Variants in FRMD4A observed in about 807,000 individuals in gnomAD.
FRMD4A encodes the protein FERM domain containing 4A, also known as FERM domain-containing protein 4A.
In FRMD4A, 29 loss-of-function variants were observed where a neutral mutation model predicts 129.1. The ratio of observed to expected loss-of-function variants is 0.22; its 90% confidence interval spans 0.17 to 0.31. The LOEUF (loss-of-function observed/expected upper bound fraction) is 0.31. Among genes scored for constraint, FRMD4A ranks in the 10% least tolerant of loss-of-function variants. The pLI is 1.00. For synonymous variants in FRMD4A, 634 were observed against 571.6 expected (o/e 1.11, Z -1.56); for missense variants, 1,272 against 1,375.8 (o/e 0.92, Z 1.19).
rs1298358869 is a variant in FRMD4A at position 13,644,048 on chromosome 10, T to A, written c.*2990A>T. ...AACTAAGCAGTAACTGGTCATCTGA[T>A]AGCACCTGGATGGGGTTTGCTATAT... On this transcript the variant is annotated 3_prime_UTR_variant, in exon 25 of 25. Transcript: ENST00000357447. 6.6e-6 allele frequency: 1 copy of A among 152,660 alleles called. No individual in the cohort carries two copies. The highest frequency in any genetic ancestry group is 1.5e-5 in the Non-Finnish European group (1 of 68,042). The allele number at this position is 152,660 out of a possible 1,614,324, so 9.5% of individuals were successfully genotyped here. A position where few individuals can be genotyped will look rare whatever the true frequency, so the allele number is the denominator to read the frequency against.
At chr10:14,285,074 T>A (rs1371903294) in intron 2 of FRMD4A, among the ~76,000 whole-genome samples, 1 of 152,276 alleles carries the variant, frequency 6.6e-6, no homozygotes, top group Non-Finnish European at 1.5e-5. Context: ...GAATTTGCAA[T>A]AATCTAAATA....
intron 4 of FRMD4A, among the ~76,000 whole-genome samples, chr10:13,799,233 T>C (rs1046964303): frequency 2.6e-5 from 4 of 152,176 alleles, no homozygotes; most frequent in African/African-American, 7.2e-5. Context: ...TCTAGTCTCA[T>C]TGCAACCTCC....
intron 2 of FRMD4A, among the ~76,000 whole-genome samples, chr10:14,070,038 C>T (rs1433182963): frequency 1.3e-5 from 2 of 152,154 alleles, no homozygotes; most frequent in Non-Finnish European, 2.9e-5. Context: ...GGTGGGACAG[C>T]TTATACAGCA....
At chr10:13,992,237 C>A (rs2095605897) in intron 2 of FRMD4A, among the ~76,000 whole-genome samples, 1 of 152,218 alleles carries the variant, frequency 6.6e-6, no homozygotes, top group Admixed American at 6.5e-5. Context: ...TGGAGCTATG[C>A]CAGTGGTTCA....
chr10:14,262,931 A>G (rs780108584), intron 2 of FRMD4A, among the ~76,000 whole-genome samples: 1 of 152,200 alleles, frequency 6.6e-6, no homozygotes, highest in Non-Finnish European at 1.5e-5. Flanking sequence ...ACCAGAGGGC[A>G]AGCCATGAAA....
intron 12 of FRMD4A, among the ~76,000 whole-genome samples, chr10:13,724,948 G>A (rs1254712255): frequency 6.6e-6 from 1 of 152,138 alleles, no homozygotes; most frequent in Non-Finnish European, 1.5e-5. Flanking sequence ...ATCAGATCTA[G>A]CTTGAGCACT....
At chr10:14,273,490 TG>T (rs1845234658) in intron 2 of FRMD4A, among the ~76,000 whole-genome samples, 1 of 152,178 alleles carries the variant, frequency 6.6e-6, no homozygotes. Context: ...GTAATATTAA[TG>T]GGTCAGCTCA....
intron 2 of FRMD4A, among the ~76,000 whole-genome samples, chr10:14,015,016 C>G (rs1009393787): frequency 3.6e-5 from 5 of 137,244 alleles, no homozygotes; most frequent in Admixed American, 2.9e-4. Context: ...TCCTCCCTCC[C>G]TCCCTTCCTT....
chr10:14,010,664 CTTTTTTT>C (rs779471389), intron 2 of FRMD4A, among the ~76,000 whole-genome samples: 13 of 76,428 alleles, frequency 1.7e-4, no homozygotes, highest in South Asian at 7.3e-4. Context: ...GAGTTTAGGT[CTTTTTTT>C]TTTTTTTTTT....
chr10:13,756,830 A>C (rs576604113), intron 8 of FRMD4A, among the ~76,000 whole-genome samples: 1 of 152,320 alleles, frequency 6.6e-6, no homozygotes, highest in South Asian at 2.1e-4. Context: ...TGTATGTGAT[A>C]TCTCCCTCAG....
At chr10:14,088,319 C>A (rs115240276) in intron 2 of FRMD4A, among the ~76,000 whole-genome samples, 3,000 of 151,776 alleles carry the variant, frequency 0.02, 108 homozygotes, top group African/African-American at 0.069. Context: ...TGGTGGTGTG[C>A]ATCAGTGGTC....
chr10:13,661,403 G>T (rs1429014897), intron 19 of FRMD4A, among the ~76,000 whole-genome samples: 9 of 152,176 alleles, frequency 5.9e-5, no homozygotes, highest in African/African-American at 2.2e-4. Context: ...GGCCCTGAGG[G>T]CAGGGTACCA....
In FRMD4A at chr10:13,676,522, G is replaced by A. The variant is rs372610608; in HGVS notation, c.1118-1478C>T. ...ACTCCTGACCTCAGGTGATCCACCC[G>A]CCTCAGCCTCCCAAAGTGCTGGGAT... On this transcript the variant is annotated intron_variant, in intron 15 of 24. Coordinates refer to ENST00000357447, the MANE Select transcript of FRMD4A (RefSeq NM_018027.5). Among the ~76,000 whole-genome samples the A allele has an allele frequency of 3.8e-4, 57 of 149,958 alleles. No homozygotes were observed. The East Asian group carries it at 9.1e-3, about 24-fold the overall frequency.
chr10:13,931,419 G>GC (rs959437963), intron 2 of FRMD4A, among the ~76,000 whole-genome samples: 44 of 152,126 alleles, frequency 2.9e-4, no homozygotes, highest in African/African-American at 1.0e-3. Flanking sequence ...CCATTGCTGT[G>GC]CCCCCCGAGG....
At chr10:14,183,038 G>A (rs1841963776) in intron 2 of FRMD4A, among the ~76,000 whole-genome samples, 1 of 152,078 alleles carries the variant, frequency 6.6e-6, no homozygotes, top group South Asian at 2.1e-4. Context: ...AGGTGAGGGA[G>A]GACTTCAGAC....
chr10:13,868,356 T>C (rs1191219149), intron 2 of FRMD4A, among the ~76,000 whole-genome samples: 1 of 152,114 alleles, frequency 6.6e-6, no homozygotes, highest in African/African-American at 2.4e-5. Context: ...TGATACCATA[T>C]TGAAGTAAGA....
chr10:14,206,396 A>C (rs535976893), intron 2 of FRMD4A, among the ~76,000 whole-genome samples: 39 of 152,316 alleles, frequency 2.6e-4, no homozygotes, highest in African/African-American at 9.4e-4. Flanking sequence ...TGTGGTTTGA[A>C]TTTCAATATC....
chr10:13,956,121 C>G (rs959270473), intron 2 of FRMD4A, among the ~76,000 whole-genome samples: 1 of 152,078 alleles, frequency 6.6e-6, no homozygotes, highest in Non-Finnish European at 1.5e-5. Context: ...ATACAGTGTG[C>G]TAAGTGATTT....
intron 2 of FRMD4A, among the ~76,000 whole-genome samples, chr10:14,052,868 G>A (rs1834329134): frequency 6.6e-6 from 1 of 152,096 alleles, no homozygotes; most frequent in Non-Finnish European, 1.5e-5. Context: ...TCAGCCACCA[G>A]GCTCTTTTTT....
Sources: gnomAD v4.1 joint callset for allele counts (sites outside exome capture counted in the v4.1 genomes callset) on GRCh38, gnomAD v4.1.1 for gene constraint, MANE v1.5 for transcripts, NCBI Gene and HGNC (gene_info 2026-07-23, HGNC 2026-07-21) for gene names.